CMIP: variants seen among roughly 807,000 people sequenced by gnomAD.
CMIP encodes the protein C-Maf-inducing protein.
A neutral mutation model predicts 97.3 loss-of-function variants in CMIP; 13 were observed. That is an observed-to-expected ratio of 0.13 (90% CI 0.09 to 0.21). The LOEUF (loss-of-function observed/expected upper bound fraction) is 0.21. Among genes scored for constraint, CMIP ranks in the 10% least tolerant of loss-of-function variants. CMIP has a pLI of 1.00. For synonymous variants in CMIP, 538 were observed against 436.3 expected, an observed-to-expected ratio of 1.23 and a Z score of -2.91; for missense variants, 847 against 1,024.9, an observed-to-expected ratio of 0.83 and a Z score of 2.37.
At chr16:81,626,208 T>C in intron 3 of CMIP, among the ~76,000 whole-genome samples, 1 of 105,420 alleles carries the variant, frequency 9.5e-6, no homozygotes, top group South Asian at 2.9e-4. Flanking sequence ...TGAGAGTGAG[T>C]GTGTGTGCGC....
chr16:81,503,073 C>T (rs2089641976), intron 1 of CMIP, among the ~76,000 whole-genome samples: 1 of 152,236 alleles, frequency 6.6e-6, no homozygotes, highest in South Asian at 2.1e-4. Flanking sequence ...AAGAGCTGCC[C>T]TAGTTCAGCA....
chr16:81,610,820 C>T (rs936252333), intron 2 of CMIP, among the ~76,000 whole-genome samples: 6 of 152,122 alleles, frequency 3.9e-5, no homozygotes, highest in African/African-American at 1.4e-4. Context: ...CCTTTTGTGA[C>T]GGGTGGCAGG....
intron 1 of CMIP, among the ~76,000 whole-genome samples, chr16:81,558,346 G>C (rs1446004329): frequency 6.6e-6 from 1 of 152,194 alleles, no homozygotes; most frequent in Admixed American, 6.5e-5. Flanking sequence ...TAGGTTTACA[G>C]GTATCACACA....
intron 1 of CMIP, among the ~76,000 whole-genome samples, chr16:81,457,932 A>C (rs949775024): frequency 2.0e-5 from 3 of 152,096 alleles, no homozygotes; most frequent in African/African-American, 7.2e-5. Flanking sequence ...CCTACCTTTG[A>C]TCCCTCCCGA....
At chr16:81,632,405 A>G (rs2092175229) in intron 3 of CMIP, among the ~76,000 whole-genome samples, 1 of 152,214 alleles carries the variant, frequency 6.6e-6, no homozygotes, top group Non-Finnish European at 1.5e-5. Context: ...AGACTTTATC[A>G]TCCACGCGGT....
intron 1 of CMIP, among the ~76,000 whole-genome samples, chr16:81,557,049 A>G (rs886914938): frequency 4.6e-5 from 7 of 152,362 alleles, no homozygotes; most frequent in Non-Finnish European, 7.3e-5. Context: ...TCAGAGACCA[A>G]TGATGGTTTC....
intron 1 of CMIP, among the ~76,000 whole-genome samples, chr16:81,472,399 C>T (rs1263919966): frequency 3.9e-5 from 6 of 152,204 alleles, no homozygotes; most frequent in Non-Finnish European, 8.8e-5. Flanking sequence ...CATGGTGGCT[C>T]ATCTGGCCGC....
intron 1 of CMIP, among the ~76,000 whole-genome samples, chr16:81,461,437 G>T (rs547586969): frequency 5.3e-5 from 8 of 152,146 alleles, no homozygotes; most frequent in Non-Finnish European, 1.0e-4. Flanking sequence ...TGCCTTGACC[G>T]TGGTAGACAT....
intron 1 of CMIP, 102 bp from the exon 2 acceptor site, chr16:81,607,465 C>A (rs949167686): frequency 1.4e-6 from 2 of 1,456,162 alleles, no homozygotes; most frequent in Non-Finnish European, 1.9e-6. Flanking sequence ...CTCCATTTGC[C>A]TGTCGCCAGA....
chr16:81,446,302 T>C (rs368127332), intron 1 of CMIP, among the ~76,000 whole-genome samples: 18 of 152,088 alleles, frequency 1.2e-4, no homozygotes, highest in African/African-American at 4.3e-4. Context: ...TTATTGTTTT[T>C]AAATACATGG....
intron 1 of CMIP, among the ~76,000 whole-genome samples, chr16:81,575,947 A>G (rs2091181504): frequency 6.6e-6 from 1 of 152,204 alleles, no homozygotes; most frequent in African/African-American, 2.4e-5. Flanking sequence ...TCAAAATAAG[A>G]GTAGTTCTTA....
rs1906343532 is a variant in CMIP, at chr16:81,693,460, G to A, written c.1503G>A (p.Gln501=). Residue 501 remains glutamine, a synonymous_variant, in exon 13 of 21, where the codon CAG becomes CAA. Transcript: ENST00000537098. ...KFTKELKYVI[Q]RFAEDPRQEV... ...CCAGGGAACTGAAGTACGTGATTCAGAGGTTCGCCGAAGACCCCAGGCAAG... is the reference window on the plus strand; with the variant it reads ...CCAGGGAACTGAAGTACGTGATTCAAAGGTTCGCCGAAGACCCCAGGCAAG... 1 of 1,612,586 alleles carries A rather than the reference G, an allele frequency of 6.2e-7. No individual in the cohort carries two copies. Among genetic ancestry groups the A allele is most frequent in the Non-Finnish European group, 8.5e-7 (1 of 1,179,344 alleles).
At chr16:81,480,661 A>G (rs186200399) in intron 1 of CMIP, among the ~76,000 whole-genome samples, 1 of 152,330 alleles carries the variant, frequency 6.6e-6, no homozygotes, top group African/African-American at 2.4e-5. Context: ...TGTGTTTGCT[A>G]TGGGGTAAAA....
intron 2 of CMIP, among the ~76,000 whole-genome samples, chr16:81,612,912 C>A (rs946833253): frequency 1.3e-5 from 2 of 152,146 alleles, no homozygotes; most frequent in Non-Finnish European, 2.9e-5. Flanking sequence ...CCTTATGTTC[C>A]CACTGGGCTG....
intron 1 of CMIP, among the ~76,000 whole-genome samples, chr16:81,521,758 A>C (rs2090032284): frequency 6.6e-6 from 1 of 152,216 alleles, no homozygotes; most frequent in African/African-American, 2.4e-5. Flanking sequence ...TGTAGATTTC[A>C]AAATGGCCAG....
chr16:81,693,588 C>T, intron 13 of CMIP, 101 bp downstream of exon 13: 4 of 1,310,286 alleles, frequency 3.1e-6, no homozygotes, highest in Non-Finnish European at 4.2e-6. Flanking sequence ...AACAGGCATT[C>T]AGAACAGCTT....
At chr16:81,682,785 G>A (rs1451846397) in intron 10 of CMIP, among the ~76,000 whole-genome samples, 2 of 152,214 alleles carry the variant, frequency 1.3e-5, no homozygotes, top group African/African-American at 4.8e-5. Context: ...CCATAGGAAG[G>A]CCCCTGCATC....
intron 1 of CMIP, among the ~76,000 whole-genome samples, chr16:81,587,039 G>A (rs1597118735): frequency 6.6e-6 from 1 of 152,250 alleles, no homozygotes; most frequent in Non-Finnish European, 1.5e-5. Context: ...TACATGAGAT[G>A]AAATCTGTGT....
rs375778500 is a variant in CMIP at position 81,639,966 on chromosome 16, G to A, written c.478-12237G>A. ...TTAGCTGGTGTGATGGTGGCTGCTGGTGTCGGCTGATGTACAGCTTTGTGT... is the reference window on the plus strand; with the variant it reads ...TTAGCTGGTGTGATGGTGGCTGCTGATGTCGGCTGATGTACAGCTTTGTGT... On this transcript the variant is annotated intron_variant, in intron 3 of 20. Coordinates refer to ENST00000537098, the MANE Select transcript of CMIP (RefSeq NM_198390.3). 7.2e-5 allele frequency among the ~76,000 whole-genome samples: 11 copies of A among 152,324 alleles called. No homozygotes were observed. In the East Asian group the frequency reaches 2.1e-3, roughly 29 times the overall value.
Sources: gnomAD v4.1 joint callset for allele counts (sites outside exome capture counted in the v4.1 genomes callset) on GRCh38, gnomAD v4.1.1 for gene constraint, MANE v1.5 for transcripts, NCBI Gene and HGNC (gene_info 2026-07-23, HGNC 2026-07-21) for gene names.